Variants in INVS observed in about 807,000 individuals in gnomAD.
INVS encodes inversion of embryo turning homolog.
INVS carries 86 observed loss-of-function variants against 108.8 expected under a neutral mutation model. That is an observed-to-expected ratio of 0.79 (90% confidence interval 0.66 to 0.95). The LOEUF (loss-of-function observed/expected upper bound fraction) is 0.95. INVS is among the 40% of genes least tolerant of loss of function. INVS has a pLI of 0.00. For synonymous variants in INVS, 455 were observed against 473.5 expected (o/e 0.96, Z 0.51); for missense variants, 1,169 against 1,297.4 (o/e 0.90, Z 1.52).
chr9:100,117,003 T>C lies in INVS; in HGVS notation c.107-9380T>C, dbSNP rs1026040498. 1.7e-5 allele frequency: 26 copies of C among 1,531,728 alleles called. No homozygotes were observed. The Admixed American group carries it at 3.4e-4, about 20-fold the overall frequency. 94.9% of individuals were successfully genotyped at this position (1,531,728 alleles called of 1,614,324 possible). On this transcript the variant is annotated intron_variant, in intron 2 of 16. Coordinates refer to ENST00000262457, the MANE Select transcript of INVS (RefSeq NM_014425.5). ...ATACCAGCCATCATGAGCAGCTTCT[T>C]GGGCACAGGCGCCGAGACAATGCCA... is the stretch of plus-strand genomic sequence containing the variant.
At chr9:100,100,666 A>ATATACATATAATATATATAT (rs1826831664) in intron 1 of INVS, among the ~76,000 whole-genome samples, 1 of 22,252 alleles carries the variant, frequency 4.5e-5, no homozygotes, top group Non-Finnish European at 6.2e-5. Context: ...TATATATATT[A>ATATACATATAATATATATAT]TATATGTACA....
intron 12 of INVS, among the ~76,000 whole-genome samples, chr9:100,276,226 CTCTAA>C (rs1467008003): frequency 6.6e-6 from 1 of 152,188 alleles, no homozygotes; most frequent in East Asian, 1.9e-4. Context: ...CCTCCTGGAA[CTCTAA>C]TCTCATATCT....
At chr9:100,197,120 C>T (rs1462127126) in intron 3 of INVS, among the ~76,000 whole-genome samples, 1 of 152,166 alleles carries the variant, frequency 6.6e-6, no homozygotes, top group East Asian at 1.9e-4. Flanking sequence ...CAAGTCAAGG[C>T]CCCCTGAACT....
intron 13 of INVS, among the ~76,000 whole-genome samples, 156 bp from the exon 14 acceptor site, chr9:100,292,170 T>C (rs1284116840): frequency 6.6e-6 from 1 of 152,214 alleles, no homozygotes; most frequent in African/African-American, 2.4e-5. Context: ...CCTACCATAT[T>C]GCTGGAAATA....
chr9:100,281,101 T>C (rs999047208), intron 12 of INVS, among the ~76,000 whole-genome samples: 6 of 152,352 alleles, frequency 3.9e-5, no homozygotes, highest in Admixed American at 3.3e-4. Flanking sequence ...CCCAGCTTCT[T>C]TGTATGACCC....
intron 3 of INVS, among the ~76,000 whole-genome samples, chr9:100,222,716 G>A (rs1440818913): frequency 6.6e-6 from 1 of 151,842 alleles, no homozygotes; most frequent in East Asian, 1.9e-4. Context: ...ATCTTTAAAG[G>A]TCATGATGAA....
intron 3 of INVS, among the ~76,000 whole-genome samples, chr9:100,205,148 G>A (rs891453332): frequency 6.6e-6 from 1 of 152,136 alleles, no homozygotes; most frequent in Non-Finnish European, 1.5e-5. Flanking sequence ...GTGTATGGGG[G>A]TTCACATTAG....
chr9:100,162,068 C>CA (rs1397303736), intron 3 of INVS, among the ~76,000 whole-genome samples: 1 of 152,036 alleles, frequency 6.6e-6, no homozygotes, highest in Non-Finnish European at 1.5e-5. Context: ...ATGTAGGCCA[C>CA]AAAAAGGAGC....
intron 3 of INVS, among the ~76,000 whole-genome samples, chr9:100,145,609 GACAC>G (rs1480036153): frequency 6.6e-6 from 1 of 152,074 alleles, no homozygotes; most frequent in East Asian, 1.9e-4. Context: ...AAGGGGTAGA[GACAC>G]AGAGAGAAGG....
At chr9:100,230,382 C>T (rs1026288687) in intron 5 of INVS, among the ~76,000 whole-genome samples, 1 of 152,024 alleles carries the variant, frequency 6.6e-6, no homozygotes, top group African/African-American at 2.4e-5. Context: ...TTATTTGTAT[C>T]CTTAAACAAT....
intron 3 of INVS, among the ~76,000 whole-genome samples, chr9:100,168,312 G>A (rs1274060394): frequency 2.0e-5 from 3 of 152,174 alleles, no homozygotes; most frequent in Non-Finnish European, 4.4e-5. Context: ...AAGAGAAGGA[G>A]CCAGACTAAC....
At position 100,117,586 on chromosome 9, in the gene INVS, G is replaced by A. The variant is rs923453816; in HGVS notation, c.107-8797G>A. 3.5e-5 allele frequency: 30 copies of A among 856,612 alleles called. No individual in the cohort carries two copies. In the African/African-American group the frequency reaches 3.7e-4, roughly 10 times the overall value. The allele number at this position is 856,612 out of a possible 1,614,324, so 53.1% of individuals were successfully genotyped here. On this transcript the variant is annotated intron_variant, in intron 2 of 16. Coordinates refer to ENST00000262457, the MANE Select transcript of INVS (RefSeq NM_014425.5). The stretch of plus-strand genomic sequence containing the variant: ...AGCCACCGCGGTTCCCCATCCCAGG[G>A]CCACCAGGGCCTCCGGCCCCCCGCC...
At chr9:100,260,348 T>G (rs1376806983) in intron 10 of INVS, among the ~76,000 whole-genome samples, 1 of 150,206 alleles carries the variant, frequency 6.7e-6, no homozygotes, top group Non-Finnish European at 1.5e-5. Flanking sequence ...CACCACCACA[T>G]CTGGCTAATT....
At chr9:100,169,805 G>A (rs1054961176) in intron 3 of INVS, among the ~76,000 whole-genome samples, 7 of 152,052 alleles carry the variant, frequency 4.6e-5, no homozygotes, top group Non-Finnish European at 1.0e-4. Flanking sequence ...TAAACCCATG[G>A]TCCCTTTTCT....
intron 3 of INVS, chr9:100,129,960 A>C: frequency 2.4e-6 from 1 of 410,654 alleles, no homozygotes; most frequent in Non-Finnish European, 4.4e-6. Flanking sequence ...ATTCCTCACA[A>C]GTTTTTAACA....
At chr9:100,290,710 G>A (rs1294442108) in intron 13 of INVS, among the ~76,000 whole-genome samples, 1 of 151,426 alleles carries the variant, frequency 6.6e-6, no homozygotes, top group Admixed American at 6.6e-5. Context: ...TTGCACTTAA[G>A]AGTATTTTAT....
chr9:100,279,140 G>A (rs532769864), intron 12 of INVS, among the ~76,000 whole-genome samples: 22 of 152,120 alleles, frequency 1.4e-4, no homozygotes, highest in African/African-American at 4.3e-4. Flanking sequence ...AAACATACCC[G>A]TAAGAAATGG....
chr9:100,187,449 G>A (rs987761197), intron 3 of INVS, among the ~76,000 whole-genome samples: 1 of 151,040 alleles, frequency 6.6e-6, no homozygotes, highest in Non-Finnish European at 1.5e-5. Context: ...GGGCAGTATG[G>A]TCATTTTTAC....
intron 2 of INVS, among the ~76,000 whole-genome samples, chr9:100,106,122 C>T (rs1827171905): frequency 6.6e-6 from 1 of 152,054 alleles, no homozygotes; most frequent in Non-Finnish European, 1.5e-5. Context: ...ATGCAGTAGG[C>T]TTACTAGAGG....
Sources: gnomAD v4.1 joint callset for allele counts (sites outside exome capture counted in the v4.1 genomes callset) on GRCh38, gnomAD v4.1.1 for gene constraint, MANE v1.5 for transcripts, NCBI Gene and HGNC (gene_info 2026-07-23, HGNC 2026-07-21) for gene names.